Variants in EFR3A observed in about 807,000 individuals in gnomAD.
EFR3A encodes protein EFR3 homolog A.
In EFR3A, 76 loss-of-function variants were observed where a neutral mutation model predicts 104.4. The observed-to-expected ratio is 0.73, with a 90% CI of 0.60 to 0.88. EFR3A has a LOEUF of 0.88. EFR3A is among the 40% of genes least tolerant of loss of function. EFR3A has a pLI of 0.00. For synonymous variants in EFR3A, 330 were observed against 330.0 expected (o/e 1.00, Z 0.00); for missense variants, 985 against 1,012.5 (o/e 0.97, Z 0.37).
At chr8:131,966,722 G>A (rs1050066174) in intron 8 of EFR3A, among the ~76,000 whole-genome samples, 2 of 151,978 alleles carry the variant, frequency 1.3e-5, no homozygotes, top group Non-Finnish European at 2.9e-5. Context: ...TTGGCTCCAG[G>A]GCTTATGTAC....
chr8:131,984,829 T>A, intron 15 of EFR3A, 100 bp from the exon 16 acceptor site: 1 of 1,142,128 alleles, frequency 8.8e-7, no homozygotes, highest in East Asian at 2.7e-5. Context: ...GGCATTTTTG[T>A]TAGCTTTCCA....
At chr8:131,915,774 A>G (rs1816716757) in intron 1 of EFR3A, among the ~76,000 whole-genome samples, 1 of 152,242 alleles carries the variant, frequency 6.6e-6, no homozygotes, top group Non-Finnish European at 1.5e-5. Context: ...GGAAATAACC[A>G]TTAAGCAGTT....
intron 22 of EFR3A, among the ~76,000 whole-genome samples, chr8:132,006,278 T>C (rs1272424627): frequency 2.0e-5 from 3 of 151,996 alleles, no homozygotes; most frequent in African/African-American, 4.8e-5. Context: ...AACCTAAAAG[T>C]TTGTTCTTTG....
At chr8:131,955,982 C>T in intron 7 of EFR3A, 77 bp downstream of exon 7, 1 of 1,528,236 alleles carries the variant, frequency 6.5e-7, no homozygotes, top group East Asian at 2.3e-5. Context: ...TAGAGGACAA[C>T]TACTTTTTTA....
chr8:131,941,710 C>T (rs1401108200), intron 2 of EFR3A, among the ~76,000 whole-genome samples: 2 of 152,026 alleles, frequency 1.3e-5, no homozygotes, highest in Non-Finnish European at 2.9e-5. Flanking sequence ...GGAGGTATCA[C>T]TGTGGGTTGG....
At chr8:131,980,760 C>A (rs1418669672) in intron 14 of EFR3A, among the ~76,000 whole-genome samples, 2 of 151,908 alleles carry the variant, frequency 1.3e-5, no homozygotes, top group Non-Finnish European at 2.9e-5. Context: ...CAAAACTTAA[C>A]TCCTTCTATC....
intron 19 of EFR3A, among the ~76,000 whole-genome samples, chr8:131,999,700 TAAAAA>T (rs200463770): frequency 7.1e-6 from 1 of 141,352 alleles, no homozygotes; most frequent in Non-Finnish European, 1.6e-5. Flanking sequence ...CAGTTAGTCT[TAAAAA>T]AAAAAAAAGA....
intron 1 of EFR3A, among the ~76,000 whole-genome samples, chr8:131,909,581 G>A (rs779338376): frequency 2.6e-5 from 4 of 152,076 alleles, no homozygotes; most frequent in Non-Finnish European, 5.9e-5. Flanking sequence ...GTTTATGATT[G>A]TGTTCTTTGC....
At chr8:131,905,567 T>C (rs946068863) in intron 1 of EFR3A, among the ~76,000 whole-genome samples, 1 of 152,230 alleles carries the variant, frequency 6.6e-6, no homozygotes, top group African/African-American at 2.4e-5. Flanking sequence ...TTTGTTTTCT[T>C]CACACACTAC....
At chr8:131,919,328 T>G (rs1188167988) in intron 1 of EFR3A, among the ~76,000 whole-genome samples, 1 of 152,140 alleles carries the variant, frequency 6.6e-6, no homozygotes, top group Non-Finnish European at 1.5e-5. Context: ...CCGGGTGCAG[T>G]GGCTCATGCC....
At chr8:131,970,311 A>T (rs1190460506) in intron 9 of EFR3A, among the ~76,000 whole-genome samples, 165 bp from the exon 10 acceptor site, 1 of 152,160 alleles carries the variant, frequency 6.6e-6, no homozygotes, top group African/African-American at 2.4e-5. Flanking sequence ...TTTCTTAATT[A>T]TTTCTCATTT....
chr8:131,984,806 C>A, intron 15 of EFR3A, 123 bp from the exon 16 acceptor site: 2 of 864,564 alleles, frequency 2.3e-6, no homozygotes, highest in Non-Finnish European at 3.4e-6. Flanking sequence ...TAGAAAATAA[C>A]TTCTGATAAA....
chr8:131,911,133 C>G (rs1816492890), intron 1 of EFR3A, among the ~76,000 whole-genome samples: 1 of 152,082 alleles, frequency 6.6e-6, no homozygotes, highest in South Asian at 2.1e-4. Context: ...CAAAGGCATA[C>G]TAAGATGGAA....
At chr8:131,956,019 C>A in intron 7 of EFR3A, 114 bp downstream of exon 7, 2 of 1,223,034 alleles carry the variant, frequency 1.6e-6, no homozygotes, top group Non-Finnish European at 1.2e-6. Flanking sequence ...ATTAATGGAA[C>A]CAGTGTAACA....
At chr8:131,963,657 T>G (rs1285035079) in intron 8 of EFR3A, among the ~76,000 whole-genome samples, 1 of 152,186 alleles carries the variant, frequency 6.6e-6, no homozygotes, top group Non-Finnish European at 1.5e-5. Flanking sequence ...GAGGAGCTGG[T>G]ACCATGCCTT....
intron 2 of EFR3A, 98 bp downstream of exon 2, chr8:131,940,673 A>AAAAG: frequency 6.8e-7 from 1 of 1,472,136 alleles, no homozygotes; most frequent in Middle Eastern, 1.8e-4. Flanking sequence ...CTCTACTTTT[A>AAAAG]CCCTTACATC....
chr8:131,913,703 T>A (rs778699232), intron 1 of EFR3A, among the ~76,000 whole-genome samples: 4 of 152,158 alleles, frequency 2.6e-5, no homozygotes, highest in Non-Finnish European at 4.4e-5. Context: ...TCCCTGTTGT[T>A]TAATTGGTGT....
intron 12 of EFR3A, among the ~76,000 whole-genome samples, chr8:131,977,728 C>G (rs1197872084): frequency 6.6e-6 from 1 of 151,652 alleles, no homozygotes; most frequent in Non-Finnish European, 1.5e-5. Flanking sequence ...AACAGACTCT[C>G]TCAAGTGCAG....
At chr8:131,941,084 A>G (rs1182779152) in intron 2 of EFR3A, among the ~76,000 whole-genome samples, 3 of 152,272 alleles carry the variant, frequency 2.0e-5, no homozygotes, top group Non-Finnish European at 4.4e-5. Context: ...GAAAGCCTGG[A>G]GGAAATAAAA....
Sources: allele counts gnomAD v4.1 joint callset (sites outside exome capture counted in the v4.1 genomes callset), GRCh38; gene constraint gnomAD v4.1.1; transcripts MANE v1.5; gene names NCBI Gene and HGNC (gene_info 2026-07-23, HGNC 2026-07-21).